B3GAT2: variants seen among roughly 807,000 people sequenced by gnomAD.
B3GAT2 encodes galactosylgalactosylxylosylprotein 3-beta-glucuronosyltransferase 2.
In B3GAT2, 26 loss-of-function variants were observed where a neutral mutation model predicts 27.8. The observed-to-expected ratio is 0.93, with a 90% CI of 0.68 to 1.30. B3GAT2 has a LOEUF of 1.30. B3GAT2 is among the 50% of genes most tolerant of loss of function. B3GAT2 has a pLI of 0.00. For missense variants in B3GAT2, 458 were observed against 459.0 expected (o/e 1.00, Z 0.02); for synonymous variants, 218 against 195.1 (o/e 1.12, Z -0.98).
In B3GAT2 at chr6:70,860,736, T is replaced by A. The variant is rs1344448150; in HGVS notation, c.*927A>T. Reference sequence around the variant, plus strand: ...CCAGTAATCCTGTAGGAAGGTACTGTATGATCAAATGTTTAATCATATAAA... The same window carrying A: ...CCAGTAATCCTGTAGGAAGGTACTGAATGATCAAATGTTTAATCATATAAA... On this transcript the variant is annotated 3_prime_UTR_variant, in exon 4 of 4. Transcript: ENST00000230053. 5.0e-6 allele frequency: 2 copies of A among 401,430 alleles called. No homozygotes were observed. 24.9% of individuals were successfully genotyped at this position (401,430 alleles called of 1,614,324 possible).
rs1297838939 is a variant in B3GAT2 at position 70,956,609 on chromosome 6, C to T, written c.-180G>A. ...GGCTCACTACCTGGGCGTGGAGGAG[C>T]GGCAGGTTCGCGCAAGCTAGAGCGA... On this transcript the variant is annotated 5_prime_UTR_variant, in exon 1 of 4. Transcript: ENST00000230053. 10 of 1,430,156 alleles carry T rather than the reference C, an allele frequency of 7.0e-6. 1 individual carries two copies. The highest frequency in any genetic ancestry group is 9.1e-6 in the Non-Finnish European group (10 of 1,098,464). 88.6% of individuals were successfully genotyped at this position (1,430,156 alleles called of 1,614,324 possible).
At chr6:70,936,474 C>T (rs1656203653) in intron 1 of B3GAT2, among the ~76,000 whole-genome samples, 1 of 152,052 alleles carries the variant, frequency 6.6e-6, no homozygotes, top group South Asian at 2.1e-4. Flanking sequence ...CACACCACAC[C>T]TATTCCAAAA....
intron 1 of B3GAT2, among the ~76,000 whole-genome samples, chr6:70,905,906 T>C (rs1241948057): frequency 6.6e-6 from 1 of 150,880 alleles, no homozygotes; most frequent in African/African-American, 2.4e-5. Context: ...TGTGTGTGTA[T>C]GTGTGTGTGT....
chr6:70,883,019 C>T (rs1303961843), intron 2 of B3GAT2, among the ~76,000 whole-genome samples: 5 of 152,282 alleles, frequency 3.3e-5, no homozygotes, highest in Admixed American at 6.5e-5. Context: ...TGAGATACCA[C>T]TTCATCCCCA....
chr6:70,943,551 C>A (rs1765425721), intron 1 of B3GAT2, among the ~76,000 whole-genome samples: 1 of 152,192 alleles, frequency 6.6e-6, no homozygotes, highest in African/African-American at 2.4e-5. Context: ...TGACATGATA[C>A]ACGCCTAGGA....
rs1295636943 is a variant in B3GAT2, at chr6:70,859,471, TTATG to T, written c.*2188_*2191del. ...ACTTATGCCTGATTAGTGATGTAGT[TTATG>T]TTAGTGTCTTTGAAACTGTAAATAA... On this transcript the variant is annotated 3_prime_UTR_variant, in exon 4 of 4. Coordinates refer to ENST00000230053, the MANE Select transcript of B3GAT2 (RefSeq NM_080742.3). 4 of 1,146,252 alleles carry T rather than the reference TTATG, an allele frequency of 3.5e-6. No homozygotes were observed. The African/African-American group carries it at 6.2e-5, about 18-fold the overall frequency. The allele number at this position is 1,146,252 out of a possible 1,614,324, so 71.0% of individuals were successfully genotyped here.
At chr6:70,909,555 G>A (rs1430723425) in intron 1 of B3GAT2, among the ~76,000 whole-genome samples, 1 of 152,150 alleles carries the variant, frequency 6.6e-6, no homozygotes, top group African/African-American at 2.4e-5. Context: ...TCAGTTTCCT[G>A]ATAAAAGTGG....
intron 1 of B3GAT2, 96 bp from the exon 2 acceptor site, chr6:70,894,368 G>C: frequency 1.5e-6 from 2 of 1,326,840 alleles, no homozygotes; most frequent in Non-Finnish European, 2.0e-6. Flanking sequence ...GCTGGTAGTG[G>C]TGTAAGATTT....
At chr6:70,942,791 A>C (rs188769110) in intron 1 of B3GAT2, among the ~76,000 whole-genome samples, 1 of 152,218 alleles carries the variant, frequency 6.6e-6, no homozygotes, top group Non-Finnish European at 1.5e-5. Flanking sequence ...TCTTCTGAAT[A>C]GGATGAAGTT....
chr6:70,862,342 T>C (rs1771770465), intron 2 of B3GAT2, among the ~76,000 whole-genome samples: 1 of 152,150 alleles, frequency 6.6e-6, no homozygotes, highest in African/African-American at 2.4e-5. Flanking sequence ...ACATACATGC[T>C]TACCTAACTA....
intron 1 of B3GAT2, among the ~76,000 whole-genome samples, chr6:70,901,311 T>C (rs1036464504): frequency 6.6e-6 from 1 of 152,194 alleles, no homozygotes; most frequent in African/African-American, 2.4e-5. Flanking sequence ...GTGATGGGAA[T>C]GACACTTAAC....
At position 70,856,731 on chromosome 6, in the gene B3GAT2, G is replaced by A; in HGVS notation, c.*4932C>T. 1 of 885,794 alleles carries A rather than the reference G, an allele frequency of 1.1e-6. No individual in the cohort carries two copies. The highest frequency in any genetic ancestry group is 1.7e-6 in the Non-Finnish European group (1 of 601,726). 54.9% of individuals were successfully genotyped at this position (885,794 alleles called of 1,614,324 possible). A position where few individuals can be genotyped will look rare whatever the true frequency, so the allele number is the denominator to read the frequency against. ...GGGCTTGTAAGTGATCCTCTTGAAT[G>A]GCACCATTTTACCTTCTACAATTGT... On this transcript the variant is annotated 3_prime_UTR_variant, in exon 4 of 4. Transcript: ENST00000230053.
intron 1 of B3GAT2, among the ~76,000 whole-genome samples, chr6:70,923,105 GTCA>G (rs1367290594): frequency 6.6e-6 from 1 of 152,194 alleles, no homozygotes; most frequent in Non-Finnish European, 1.5e-5. Flanking sequence ...TGTCATCATT[GTCA>G]TCAGCATCAT....
intron 1 of B3GAT2, among the ~76,000 whole-genome samples, chr6:70,935,228 T>C (rs997124639): frequency 6.6e-6 from 1 of 152,034 alleles, no homozygotes; most frequent in Non-Finnish European, 1.5e-5. Context: ...GTAGGACTGC[T>C]TGAAGCCAGG....
intron 1 of B3GAT2, among the ~76,000 whole-genome samples, chr6:70,949,639 A>C (rs1194097220): frequency 1.3e-5 from 2 of 150,088 alleles, no homozygotes; most frequent in African/African-American, 4.9e-5. Context: ...TGTGGAAGTC[A>C]GTGTGGTGAT....
chr6:70,880,715 G>C (rs1327954998), intron 2 of B3GAT2, among the ~76,000 whole-genome samples: 2 of 151,768 alleles, frequency 1.3e-5, no homozygotes, highest in African/African-American at 4.8e-5. Flanking sequence ...ACCCAGGCTG[G>C]AGTGCAGTGG....
Position 70,858,023 on chromosome 6 carries a change from C to T in B3GAT2, c.*3640G>A. On this transcript the variant is annotated 3_prime_UTR_variant, in exon 4 of 4. Transcript: ENST00000230053. ...CGTGCCTGTGCCTGCAGCTCCTGGCCTTATAGGAAATGTGATGGGACAGAG... is the reference window on the plus strand; with the variant it reads ...CGTGCCTGTGCCTGCAGCTCCTGGCTTTATAGGAAATGTGATGGGACAGAG... The T allele has an allele frequency of 6.2e-7, 1 of 1,614,126 alleles. No individual in the cohort carries two copies. The highest frequency in any genetic ancestry group is 8.5e-7 in the Non-Finnish European group (1 of 1,180,008).
Position 70,908,158 on chromosome 6 carries a change from G to A in B3GAT2, c.592-13886C>T, listed in dbSNP as rs182329829. ...AGGGAGAAGTGCAGCATGATTTTAC[G>A]TAAATAAACCTAAGGCATCTAACAA... On this transcript the variant is annotated intron_variant, in intron 1 of 3. Coordinates refer to ENST00000230053, the MANE Select transcript of B3GAT2 (RefSeq NM_080742.3). 9.2e-5 allele frequency among the ~76,000 whole-genome samples: 14 copies of A among 152,300 alleles called. No homozygotes were observed. In the East Asian group the frequency reaches 9.6e-4, roughly 10 times the overall value.
At chr6:70,952,194 T>A (rs1187930544) in intron 1 of B3GAT2, among the ~76,000 whole-genome samples, 1 of 152,212 alleles carries the variant, frequency 6.6e-6, no homozygotes, top group Non-Finnish European at 1.5e-5. Context: ...AGCAAGGGGC[T>A]TCTTTAGTTC....
Sources: allele counts gnomAD v4.1 joint callset (sites outside exome capture counted in the v4.1 genomes callset), GRCh38; gene constraint gnomAD v4.1.1; transcripts MANE v1.5; gene names NCBI Gene and HGNC (gene_info 2026-07-23, HGNC 2026-07-21).